MAP3K8: variants seen among roughly 807,000 people sequenced by gnomAD.
The protein encoded by MAP3K8 is mitogen-activated protein kinase kinase kinase 8.
A neutral mutation model predicts 45.8 loss-of-function variants in MAP3K8; 22 were observed. That is an observed-to-expected ratio of 0.48 (90% CI 0.34 to 0.69). The LOEUF is 0.69. Ranked by LOEUF, MAP3K8 falls within the 30% of genes least tolerant of loss-of-function variation. The pLI is 0.01. For synonymous variants in MAP3K8, 223 were observed against 214.3 expected (o/e 1.04, Z -0.36); for missense variants, 419 against 585.0 (o/e 0.72, Z 2.93).
chr10:30,460,908 G>C lies in MAP3K8; in HGVS notation c.*72G>C. 2 of 1,587,172 alleles carry C rather than the reference G, an allele frequency of 1.3e-6. No individual in the cohort carries two copies. The highest frequency in any genetic ancestry group is 1.7e-6 in the Non-Finnish European group (2 of 1,168,838). On this transcript the variant is annotated 3_prime_UTR_variant, in exon 9 of 9. Coordinates refer to ENST00000263056, the MANE Select transcript of MAP3K8 (RefSeq NM_005204.4). Reference sequence around the variant, plus strand: ...GGCTGGTTCTGCTGCCTCTACACAGGGGCCCTGTACAGTGAATGGTGCCAT... The same window carrying C: ...GGCTGGTTCTGCTGCCTCTACACAGCGGCCCTGTACAGTGAATGGTGCCAT...
chr10:30,449,923 A>G (rs1309848314), intron 4 of MAP3K8, among the ~76,000 whole-genome samples: 1 of 152,280 alleles, frequency 6.6e-6, no homozygotes, highest in Non-Finnish European at 1.5e-5. Context: ...TCAAGGTACC[A>G]TAGATACTGT....
rs763529234 is a variant in MAP3K8 at position 30,460,819 on chromosome 10, A to G, written c.1387A>G (p.Thr463Ala). ...CTTCAATCTTGTTCGGGGACCACCA[A>G]CGCTTGAATATGGCTGAAGGATGCC... Reference protein sequence around the residue: ...GYFNLVRGPPTLEYG With the variant: ...GYFNLVRGPPALEYG The change falls in exon 9 of 9, where the codon ACG becomes GCG. Residue 463 changes from threonine to alanine, a missense_variant. This residue lies in a region of MAP3K8 where 108 missense variants were observed against 124.2 expected (regional missense o/e 0.87). Coordinates refer to ENST00000263056, the MANE Select transcript of MAP3K8 (RefSeq NM_005204.4). 5 of 1,613,804 alleles carry G rather than the reference A, an allele frequency of 3.1e-6. No individual in the cohort carries two copies. Among genetic ancestry groups the G allele is most frequent in the South Asian group, 2.2e-5 (2 of 91,076 alleles).
Position 30,458,215 on chromosome 10 carries a change from C to T in MAP3K8, c.1005C>T (p.Ala335=). The change falls in exon 7 of 9, where the codon GCC becomes GCT. Residue 335 remains alanine (A), a synonymous_variant. Transcript: ENST00000263056. ...GGGTGAAGCGCTACCCTCGCTCAGC[C>T]TATCCCTCCTACCTGTACATAGTAA... The part of the protein sequence containing the change: ...PPWVKRYPRS[A]YPSYLYIIHK... The T allele has an allele frequency of 6.5e-7, 1 of 1,539,626 alleles. No homozygotes were observed. Among genetic ancestry groups the T allele is most frequent in the Non-Finnish European group, 8.8e-7 (1 of 1,134,454 alleles).
chr10:30,452,899 G>GAACT (rs946376357), intron 6 of MAP3K8, among the ~76,000 whole-genome samples: 1 of 151,180 alleles, frequency 6.6e-6, no homozygotes, highest in African/African-American at 2.4e-5. Context: ...GGCTGGTCAT[G>GAACT]AACTGTTGGC....
chr10:30,460,087 C>A (rs1411478923), intron 8 of MAP3K8, among the ~76,000 whole-genome samples: 1 of 152,212 alleles, frequency 6.6e-6, no homozygotes, highest in Admixed American at 6.5e-5. Context: ...AGGCAATCCA[C>A]CTGCCTTGGC....
At chr10:30,459,168 A>G in intron 7 of MAP3K8, 87 bp from the exon 8 acceptor site, 3 of 1,443,330 alleles carry the variant, frequency 2.1e-6, no homozygotes, top group Non-Finnish European at 2.9e-6. Flanking sequence ...AAAACGGATT[A>G]CTTTCTAGGT....
chr10:30,434,507 G>A, intron 1 of MAP3K8, 129 bp downstream of exon 1: 1 of 985,760 alleles, frequency 1.0e-6, no homozygotes, highest in African/African-American at 1.7e-5. Flanking sequence ...GAAGAGGTGG[G>A]GGCGTGCCCA....
chr10:30,451,877 A>G lies in MAP3K8; in HGVS notation c.873+133A>G, dbSNP rs1836552115. 9 of 514,102 alleles carry G rather than the reference A, an allele frequency of 1.8e-5. 1 individual carries two copies. In the South Asian group the frequency reaches 3.1e-4, roughly 18 times the overall value. The allele number at this position is 514,102 out of a possible 1,614,324, so 31.8% of individuals were successfully genotyped here. A position where few individuals can be genotyped will look rare whatever the true frequency, so the allele number is the denominator to read the frequency against. On this transcript the variant is annotated intron_variant, in intron 6 of 8. Coordinates refer to ENST00000263056, the MANE Select transcript of MAP3K8 (RefSeq NM_005204.4). The stretch of plus-strand genomic sequence containing the variant: ...TGCATTAAATCATTATTTTCCTTGG[A>G]ACACATTTAATGAGCACTTGCTCTG...
intron 1 of MAP3K8, 63 bp from the exon 2 acceptor site, chr10:30,437,113 C>T (rs1392842850): frequency 1.1e-6 from 1 of 930,022 alleles, no homozygotes; most frequent in Non-Finnish European, 1.3e-6. Flanking sequence ...GTGGTGATAA[C>T]AGCCATGAAA....
At chr10:30,440,788 A>G (rs1284968761) in intron 3 of MAP3K8, among the ~76,000 whole-genome samples, 1 of 152,208 alleles carries the variant, frequency 6.6e-6, no homozygotes, top group Non-Finnish European at 1.5e-5. Flanking sequence ...TTTATTTGTT[A>G]AAATGGGAAT....
At position 30,461,112 on chromosome 10, in the gene MAP3K8, C is replaced by T. The variant is rs1202790644; in HGVS notation, c.*276C>T. Reference sequence around the variant, plus strand: ...GAAGGATCGTGTCTGCTGACTGTTTCATTCACTGTGCACTTTGCTCAAAAT... The same window carrying T: ...GAAGGATCGTGTCTGCTGACTGTTTTATTCACTGTGCACTTTGCTCAAAAT... On this transcript the variant is annotated 3_prime_UTR_variant, in exon 9 of 9. Coordinates refer to ENST00000263056, the MANE Select transcript of MAP3K8 (RefSeq NM_005204.4). The T allele has an allele frequency of 2.8e-6, 1 of 354,518 alleles. No homozygotes were observed. Among genetic ancestry groups the T allele is most frequent in the Non-Finnish European group, 5.1e-6 (1 of 195,728 alleles). 22.0% of individuals were successfully genotyped at this position (354,518 alleles called of 1,614,324 possible).
rs758966181 is a variant in MAP3K8, at chr10:30,439,134, A to G, written c.196A>G (p.Ser66Gly). 3.7e-6 allele frequency: 6 copies of G among 1,614,152 alleles called. No individual in the cohort carries two copies. The African/African-American group carries it at 5.3e-5, about 14-fold the overall frequency. ...NDERSKSLLL[S>G]GQEVPWLSSV... ...TGAGCGTTCTAAGTCTCTGCTGCTT[A>G]GTGGCCAAGAGGTACCATGGTTGTC... The change falls in exon 3 of 9, where the codon AGT becomes GGT. Residue 66 changes from serine (S) to glycine (G), a missense_variant. Physicochemically the swap from Ser to Gly is moderately conservative, Grantham distance 56. Coordinates refer to ENST00000263056, the MANE Select transcript of MAP3K8 (RefSeq NM_005204.4).
chr10:30,436,642 A>C (rs1289335449), intron 1 of MAP3K8, among the ~76,000 whole-genome samples: 7 of 151,206 alleles, frequency 4.6e-5, no homozygotes, highest in Non-Finnish European at 8.8e-5. Flanking sequence ...TCACAGGAAA[A>C]CCCCCCAATT....
intron 6 of MAP3K8, among the ~76,000 whole-genome samples, chr10:30,453,453 A>G (rs1836619578): frequency 6.6e-6 from 1 of 152,194 alleles, no homozygotes; most frequent in Non-Finnish European, 1.5e-5. Context: ...TCTGTGAAGC[A>G]AAAAACGACC....
intron 6 of MAP3K8, among the ~76,000 whole-genome samples, chr10:30,454,507 G>T (rs192023892): frequency 6.6e-6 from 1 of 151,314 alleles, no homozygotes; most frequent in East Asian, 2.0e-4. Context: ...TGAGGCTGCA[G>T]TGAGCTGTGA....
At position 30,459,338 on chromosome 10, in the gene MAP3K8, G is replaced by A. The variant is rs763097220; in HGVS notation, c.1110G>A (p.Glu370=). 9.9e-6 allele frequency: 16 copies of A among 1,614,040 alleles called. No individual in the cohort carries two copies. The highest frequency in any genetic ancestry group is 1.6e-4 in the Middle Eastern group (1 of 6,074). ...GAGAGCTGATAGAAGCTTCCCTGGAGAGAAACCCCAATCACCGCCCAAGAG... is the reference window on the plus strand; with the variant it reads ...GAGAGCTGATAGAAGCTTCCCTGGAAAGAAACCCCAATCACCGCCCAAGAG... ...GMRELIEASL[E]RNPNHRPRAA... The change falls in exon 8 of 9, where the codon GAG becomes GAA. Residue 370 remains glutamate, a synonymous_variant. Coordinates refer to ENST00000263056, the MANE Select transcript of MAP3K8 (RefSeq NM_005204.4).
rs756701405 is a variant in MAP3K8, at chr10:30,460,015, G to GT, written c.1273+515dup. ...CCACCACCACGTCTGGCTAATTTTT[G>GT]TATTTTTAGTAGAGATGGGGTTTCA... is the stretch of plus-strand genomic sequence containing the variant. On this transcript the variant is annotated intron_variant, in intron 8 of 8. Transcript: ENST00000263056. Among the ~76,000 whole-genome samples, 9 of 152,128 alleles carry GT rather than the reference G, an allele frequency of 5.9e-5. 1 individual carries two copies. Among genetic ancestry groups the GT allele is most frequent in the East Asian group, 3.9e-4 (2 of 5,174 alleles).
At chr10:30,443,037 C>A (rs1240568831) in intron 3 of MAP3K8, among the ~76,000 whole-genome samples, 5 of 152,190 alleles carry the variant, frequency 3.3e-5, no homozygotes, top group African/African-American at 1.2e-4. Context: ...TAAGAAAGTT[C>A]TCTTCCTTAT....
intron 3 of MAP3K8, among the ~76,000 whole-genome samples, chr10:30,446,769 T>C (rs968135482): frequency 7.2e-5 from 11 of 152,186 alleles, no homozygotes; most frequent in African/African-American, 2.7e-4. Context: ...TCTTTAAAAA[T>C]TGAAATATAT....
Sources: gnomAD v4.1 joint callset for allele counts (sites outside exome capture counted in the v4.1 genomes callset) on GRCh38, gnomAD v4.1.1 for gene constraint, gnomAD v4.1.1 regional missense constraint, MANE v1.5 for transcripts, NCBI Gene and HGNC (gene_info 2026-07-23, HGNC 2026-07-21) for gene names.